Variants in RASGRP1 observed in about 807,000 individuals in gnomAD.
The protein encoded by RASGRP1 is RAS guanyl-releasing protein 1.
In RASGRP1, 37 loss-of-function variants were observed where a neutral mutation model predicts 95.1. The ratio of observed to expected loss-of-function variants is 0.39; its 90% CI spans 0.30 to 0.51. The LOEUF is 0.51. Ranked by LOEUF, RASGRP1 falls within the 20% of genes least tolerant of loss-of-function variation. The pLI is 0.80. For missense variants in RASGRP1, 711 were observed against 965.4 expected (o/e 0.74, Z 3.49); for synonymous variants, 325 against 353.4 (o/e 0.92, Z 0.90).
chr15:38,518,992 T>C (rs184700578), intron 4 of RASGRP1, among the ~76,000 whole-genome samples: 105 of 152,352 alleles, frequency 6.9e-4, no homozygotes, highest in Middle Eastern at 6.8e-3. Context: ...AGTTATATTC[T>C]TTTCTACATT....
chr15:38,508,287 T>G (rs1480125903), intron 8 of RASGRP1, among the ~76,000 whole-genome samples: 1 of 152,206 alleles, frequency 6.6e-6, no homozygotes, highest in Non-Finnish European at 1.5e-5. Context: ...AATTTCCTTC[T>G]TTTCAAAAAC....
At chr15:38,500,789 GA>G (rs1357118382) in intron 13 of RASGRP1, among the ~76,000 whole-genome samples, 1 of 152,184 alleles carries the variant, frequency 6.6e-6, no homozygotes, top group Non-Finnish European at 1.5e-5. Flanking sequence ...GTCAGGAGTG[GA>G]ACGGAAGAGG....
chr15:38,494,350 T>G, intron 16 of RASGRP1, 32 bp downstream of exon 16: 1 of 1,610,566 alleles, frequency 6.2e-7, no homozygotes, highest in Non-Finnish European at 8.5e-7. Context: ...TCTAAGATAG[T>G]CTGAAAAAAA....
intron 3 of RASGRP1, among the ~76,000 whole-genome samples, chr15:38,520,654 A>C (rs2141130621): frequency 6.6e-6 from 1 of 152,296 alleles, no homozygotes; most frequent in East Asian, 1.9e-4. Flanking sequence ...TTATAAATTT[A>C]ATCTATTAGA....
chr15:38,504,075 T>TA (rs1436386986), intron 10 of RASGRP1: 1 of 152,178 alleles, frequency 6.6e-6, no homozygotes, highest in African/African-American at 2.4e-5. Context: ...ATAGAAAAGG[T>TA]AAAAATATGG....
chr15:38,538,703 A>G (rs1892753058), intron 2 of RASGRP1, among the ~76,000 whole-genome samples: 1 of 152,148 alleles, frequency 6.6e-6, no homozygotes, highest in African/African-American at 2.4e-5. Context: ...GATGGCCCTG[A>G]TTGTTTCTGA....
At chr15:38,493,474 A>G (rs1031104421) in intron 16 of RASGRP1, among the ~76,000 whole-genome samples, 4 of 151,690 alleles carry the variant, frequency 2.6e-5, no homozygotes, top group African/African-American at 7.3e-5. Flanking sequence ...GCCCAGCCCT[A>G]TTTTCCTGTT....
intron 7 of RASGRP1, 150 bp downstream of exon 7, chr15:38,512,633 A>T: frequency 1.1e-6 from 1 of 909,202 alleles, no homozygotes. Flanking sequence ...CACCATATCT[A>T]GATCTGGTTG....
intron 11 of RASGRP1, chr15:38,502,993 C>A: frequency 2.1e-6 from 1 of 473,996 alleles, no homozygotes; most frequent in Non-Finnish European, 3.8e-6. Flanking sequence ...TACTCAAATG[C>A]ATCCCAATAC....
chr15:38,516,061 CTA>C, intron 6 of RASGRP1, 134 bp downstream of exon 6: 2 of 1,014,394 alleles, frequency 2.0e-6, no homozygotes, highest in Non-Finnish European at 1.4e-6. Context: ...TTTTCAGACT[CTA>C]TGATGTCTGG....
At chr15:38,499,169 A>T in intron 14 of RASGRP1, 1 of 692,114 alleles carries the variant, frequency 1.4e-6, no homozygotes, top group Non-Finnish European at 2.6e-6. Flanking sequence ...CAGCATCAGA[A>T]GCAGTATCCT....
At position 38,488,117 on chromosome 15, in the gene RASGRP1, A is replaced by T; in HGVS notation, c.*2437T>A. ...AGACATTTGTGTTGTAGGGATCCTA[A>T]TGTCTTTTATCATATAAATATTACA... is the stretch of plus-strand genomic sequence containing the variant. On this transcript the variant is annotated 3_prime_UTR_variant, in exon 17 of 17. Coordinates refer to ENST00000310803, the MANE Select transcript of RASGRP1 (RefSeq NM_005739.4). The T allele has an allele frequency of 6.6e-6, 1 of 152,040 alleles. No homozygotes were observed. Among genetic ancestry groups the T allele is most frequent in the Non-Finnish European group, 1.5e-5 (1 of 67,904 alleles). 9.4% of individuals were successfully genotyped at this position (152,040 alleles called of 1,614,324 possible).
intron 2 of RASGRP1, among the ~76,000 whole-genome samples, chr15:38,547,254 G>A (rs1893139441): frequency 6.6e-6 from 1 of 152,126 alleles, no homozygotes; most frequent in African/African-American, 2.4e-5. Flanking sequence ...CATACTCTCA[G>A]ACCTTCCCAT....
chr15:38,498,443 A>C (rs1222294397), intron 15 of RASGRP1, among the ~76,000 whole-genome samples: 1 of 152,206 alleles, frequency 6.6e-6, no homozygotes, highest in African/African-American at 2.4e-5. Flanking sequence ...GCATGTACAT[A>C]CATATTTTCC....
At chr15:38,523,595 A>G (rs1199807652) in intron 3 of RASGRP1, among the ~76,000 whole-genome samples, 1 of 152,192 alleles carries the variant, frequency 6.6e-6, no homozygotes, top group African/African-American at 2.4e-5. Flanking sequence ...AGTTATGTAC[A>G]GTAATGTCCT....
At chr15:38,536,015 C>T (rs1482285708) in intron 2 of RASGRP1, among the ~76,000 whole-genome samples, 2 of 152,120 alleles carry the variant, frequency 1.3e-5, no homozygotes, top group African/African-American at 4.8e-5. Context: ...CCGAGCAGAC[C>T]CAGTGAGCTG....
At chr15:38,507,555 G>A (rs1335376487) in intron 9 of RASGRP1, among the ~76,000 whole-genome samples, 171 bp downstream of exon 9, 2 of 152,116 alleles carry the variant, frequency 1.3e-5, no homozygotes, top group African/African-American at 4.8e-5. Context: ...GTGGTCTCCT[G>A]GCAAGGTATA....
intron 2 of RASGRP1, among the ~76,000 whole-genome samples, chr15:38,546,573 A>C (rs937911752): frequency 6.6e-6 from 1 of 152,170 alleles, no homozygotes; most frequent in Non-Finnish European, 1.5e-5. Flanking sequence ...ACGACAATCC[A>C]GGGGAAGTAT....
chr15:38,501,413 C>T, intron 12 of RASGRP1, 126 bp from the exon 13 acceptor site: 1 of 1,112,292 alleles, frequency 9.0e-7, no homozygotes, highest in Non-Finnish European at 1.3e-6. Context: ...GTATGTGCTA[C>T]CTCATGATTA....
Sources: allele counts gnomAD v4.1 joint callset (sites outside exome capture counted in the v4.1 genomes callset), GRCh38; gene constraint gnomAD v4.1.1; transcripts MANE v1.5; gene names NCBI Gene and HGNC (gene_info 2026-07-23, HGNC 2026-07-21).